EPM2A: variants seen among roughly 807,000 people sequenced by gnomAD.
EPM2A encodes the protein EPM2A glucan phosphatase, laforin.
A neutral mutation model predicts 26.5 loss-of-function variants in EPM2A; 21 were observed. The observed-to-expected ratio is 0.79, with a 90% CI of 0.56 to 1.14. EPM2A has a LOEUF of 1.14. EPM2A is among the 50% of genes most tolerant of loss of function. The pLI is 0.00. For missense variants in EPM2A, 458 were observed against 440.8 expected, an observed-to-expected ratio of 1.04 and a Z score of -0.35; for synonymous variants, 217 against 177.6, an observed-to-expected ratio of 1.22 and a Z score of -1.76.
intron 2 of EPM2A, among the ~76,000 whole-genome samples, chr6:145,663,538 T>C (rs927089529): frequency 6.6e-6 from 1 of 152,152 alleles, no homozygotes; most frequent in Non-Finnish European, 1.5e-5. Context: ...CTACGTCTGA[T>C]TGGTGTACCT....
intron 2 of EPM2A, among the ~76,000 whole-genome samples, chr6:145,646,166 C>G (rs1276464005): frequency 1.3e-5 from 2 of 151,774 alleles, no homozygotes; most frequent in Non-Finnish European, 2.9e-5. Flanking sequence ...TTTCTTTTTT[C>G]TTTTTTTGAG....
chr6:145,654,882 C>G (rs575308868), intron 2 of EPM2A, among the ~76,000 whole-genome samples: 4 of 152,240 alleles, frequency 2.6e-5, no homozygotes, highest in African/African-American at 9.6e-5. Context: ...TCTTACTTCA[C>G]TTGTATAAAG....
At chr6:145,640,944 C>T (rs1354402265) in intron 2 of EPM2A, 3 of 152,132 alleles carry the variant, frequency 2.0e-5, no homozygotes, top group African/African-American at 7.2e-5. Flanking sequence ...GAAAGTGATA[C>T]TAATTAGCTT....
In EPM2A at chr6:145,627,061, G is replaced by C; in HGVS notation, c.*355C>G. The C allele has an allele frequency of 8.5e-7, 1 of 1,178,632 alleles. No homozygotes were observed. Among genetic ancestry groups the C allele is most frequent in the Non-Finnish European group, 1.1e-6 (1 of 944,614 alleles). The allele number at this position is 1,178,632 out of a possible 1,614,324, so 73.0% of individuals were successfully genotyped here. On this transcript the variant is annotated 3_prime_UTR_variant, in exon 4 of 4. Coordinates refer to ENST00000367519, the MANE Select transcript of EPM2A (RefSeq NM_005670.4). ...CCTCTACATGGCCAAGAGTTTCAGT[G>C]CAACAGGAAAGTGCTGTCACGGATC... is the stretch of plus-strand genomic sequence containing the variant.
chr6:145,469,414 A>G (rs1044032644), intron 4 of EPM2A, among the ~76,000 whole-genome samples: 2 of 152,176 alleles, frequency 1.3e-5, no homozygotes, highest in African/African-American at 4.8e-5. Flanking sequence ...AAACAATCAT[A>G]TAAAAATATG....
At chr6:145,604,906 T>C (rs1775194082) in intron 2 of EPM2A, among the ~76,000 whole-genome samples, 1 of 152,012 alleles carries the variant, frequency 6.6e-6, no homozygotes, top group Non-Finnish European at 1.5e-5. Context: ...TTTCAAACAA[T>C]TGTGAGAGTG....
chr6:145,577,996 G>C (rs1781058035), intron 2 of EPM2A, among the ~76,000 whole-genome samples: 1 of 151,986 alleles, frequency 6.6e-6, no homozygotes, highest in Non-Finnish European at 1.5e-5. Flanking sequence ...AAAATTTCTT[G>C]AATCAAATGA....
intron 2 of EPM2A, among the ~76,000 whole-genome samples, chr6:145,511,246 C>G (rs1023648185): frequency 4.6e-5 from 7 of 152,154 alleles, no homozygotes; most frequent in Non-Finnish European, 7.4e-5. Context: ...TCCTCCCTGA[C>G]TCATTCTACA....
At chr6:145,550,185 T>C (rs1299850539) in intron 2 of EPM2A, among the ~76,000 whole-genome samples, 2 of 152,038 alleles carry the variant, frequency 1.3e-5, no homozygotes, top group Non-Finnish European at 2.9e-5. Context: ...ATCATTTGCC[T>C]AAAGATGGAT....
intron 4 of EPM2A, among the ~76,000 whole-genome samples, chr6:145,452,022 C>G (rs1327018255): frequency 6.6e-6 from 1 of 152,150 alleles, no homozygotes; most frequent in Non-Finnish European, 1.5e-5. Flanking sequence ...CTAGCATTCT[C>G]CTTCCCGTGT....
intron 4 of EPM2A, among the ~76,000 whole-genome samples, chr6:145,433,292 A>G (rs1174954170): frequency 6.6e-6 from 1 of 152,170 alleles, no homozygotes; most frequent in African/African-American, 2.4e-5. Flanking sequence ...ACTAAACTTA[A>G]TAATTTCTAG....
chr6:145,592,301 GCTTCCGGCTT>G (rs1289694067), intron 2 of EPM2A, among the ~76,000 whole-genome samples: 1 of 151,532 alleles, frequency 6.6e-6, no homozygotes, highest in Non-Finnish European at 1.5e-5. Context: ...CAGAATGATG[GCTTCCGGCTT>G]CATCCATGTC....
chr6:145,390,939 G>A (rs1208093562), intron 4 of EPM2A, among the ~76,000 whole-genome samples: 1 of 152,072 alleles, frequency 6.6e-6, no homozygotes, highest in Non-Finnish European at 1.5e-5. Context: ...ATTGAACTTG[G>A]TCAAATTGTT....
intron 2 of EPM2A, among the ~76,000 whole-genome samples, chr6:145,596,479 T>C (rs527816612): frequency 6.6e-6 from 1 of 152,210 alleles, no homozygotes; most frequent in South Asian, 2.1e-4. Flanking sequence ...ATTAGTATAA[T>C]GTAAGTTTTA....
rs1583072075 is a variant in EPM2A at position 145,696,371 on chromosome 6, C to CG, written c.302-10076_302-10075insC. ...GAATAAGTTTTTGAGATCCATTGCA[C>CG]AGTAGGGTGACTAAAGTCAATAATA... On this transcript the variant is annotated intron_variant, in intron 1 of 3. Coordinates refer to ENST00000367519, the MANE Select transcript of EPM2A (RefSeq NM_005670.4). Among the ~76,000 whole-genome samples the CG allele has an allele frequency of 2.0e-5, 3 of 152,180 alleles. No homozygotes were observed. In the East Asian group the frequency reaches 5.8e-4, roughly 29 times the overall value.
chr6:145,436,566 T>A (rs1433531051), intron 4 of EPM2A, among the ~76,000 whole-genome samples: 1 of 152,182 alleles, frequency 6.6e-6, no homozygotes, highest in African/African-American at 2.4e-5. Context: ...CTCTTTGTAG[T>A]TTTTATTTGT....
chr6:145,699,393 T>A (rs1399422520), intron 1 of EPM2A, among the ~76,000 whole-genome samples: 1 of 152,174 alleles, frequency 6.6e-6, no homozygotes, highest in Non-Finnish European at 1.5e-5. Flanking sequence ...ATTCTAAGGA[T>A]CAACTGGCTC....
At chr6:145,510,414 A>G (rs1296636948) in intron 2 of EPM2A, among the ~76,000 whole-genome samples, 3 of 152,232 alleles carry the variant, frequency 2.0e-5, no homozygotes, top group Non-Finnish European at 4.4e-5. Context: ...AATGGAATAC[A>G]AATAGAAATC....
intron 4 of EPM2A, among the ~76,000 whole-genome samples, chr6:145,485,289 A>G (rs968696398): frequency 6.6e-6 from 1 of 152,114 alleles, no homozygotes; most frequent in Admixed American, 6.6e-5. Context: ...AAAAGAGGAC[A>G]TAGTAACATC....
Sources: allele counts gnomAD v4.1 joint callset (sites outside exome capture counted in the v4.1 genomes callset), GRCh38; gene constraint gnomAD v4.1.1; transcripts MANE v1.5; gene names NCBI Gene and HGNC (gene_info 2026-07-23, HGNC 2026-07-21).